TRIM36: variants seen among roughly 807,000 people sequenced by gnomAD.
TRIM36 encodes tripartite motif containing 36.
Under a neutral mutation model 72.4 loss-of-function variants are expected in TRIM36, and 42 were observed. The observed-to-expected ratio is 0.58, with a 90% CI of 0.45 to 0.75. TRIM36 has a LOEUF of 0.75. Among genes scored for constraint, TRIM36 ranks in the 30% least tolerant of loss-of-function variants. The probability of loss-of-function intolerance (pLI) is 0.00; values close to 1 mark genes in which losing one functional copy is unlikely to be tolerated. For missense variants in TRIM36, 913 were observed against 857.1 expected (o/e 1.07, Z -0.81); for synonymous variants, 315 against 282.8 (o/e 1.11, Z -1.14).
In TRIM36 at chr5:115,137,546, C is replaced by T. The variant is rs1335740829; in HGVS notation, c.902G>A (p.Arg301Lys). ...FEKLFEVLEE[R>K]KSSVLKAIDS... Reference sequence around the variant, plus strand: ...AATTGCTTTCAAAACAGATGATTTCCTCTCTTCCAGAACTTCAAAGAGCTT... The same window carrying T: ...AATTGCTTTCAAAACAGATGATTTCTTCTCTTCCAGAACTTCAAAGAGCTT... Residue 301 changes from arginine to lysine, a missense_variant, in exon 6 of 10, where the codon AGG (arginine) becomes AAG (lysine). Transcript: ENST00000513154. 2.5e-6 allele frequency: 4 copies of T among 1,614,046 alleles called. No individual in the cohort carries two copies. The highest frequency in any genetic ancestry group is 1.7e-5 in the Admixed American group (1 of 60,014).
At chr5:115,173,782 C>T (rs770472578), upstream of TRIM36, among the ~76,000 whole-genome samples, 5 of 152,156 alleles carry the variant, frequency 3.3e-5, no homozygotes, top group Non-Finnish European at 5.9e-5. Flanking sequence ...TATCCTAGCA[C>T]CTCCTTTTTC....
At chr5:115,154,184 G>A (rs898943749) in intron 2 of TRIM36, among the ~76,000 whole-genome samples, 3 of 141,428 alleles carry the variant, frequency 2.1e-5, no homozygotes, top group South Asian at 2.6e-4. Flanking sequence ...CACAGCAAAG[G>A]CAGTGCTAAG....
At chr5:115,149,648 A>AAAG (rs1465481029) in intron 2 of TRIM36, 4 of 150,428 alleles carry the variant, frequency 2.7e-5, no homozygotes, top group African/African-American at 9.7e-5. Context: ...AGTGTAAAAA[A>AAAG]AAAAAAAAAA....
intron 7 of TRIM36, among the ~76,000 whole-genome samples, chr5:115,135,087 T>C (rs1160129249): frequency 6.6e-6 from 1 of 152,240 alleles, no homozygotes; most frequent in Non-Finnish European, 1.5e-5. Context: ...TGTTTAGTTT[T>C]GGAAACAGGT....
At chr5:115,147,010 T>A (rs964201267) in intron 3 of TRIM36, 59 bp downstream of exon 3, 10 of 1,424,134 alleles carry the variant, frequency 7.0e-6, no homozygotes, top group Non-Finnish European at 9.5e-6. Context: ...ATTAAGTACA[T>A]AAAAGTTTCA....
chr5:115,130,496 A>C (rs1408880191), intron 9 of TRIM36, 96 bp downstream of exon 9: 2 of 1,386,282 alleles, frequency 1.4e-6, no homozygotes, highest in Admixed American at 2.4e-5. Context: ...GAATCTAAGA[A>C]ATAAGAAATG....
chr5:115,154,367 GA>G (rs939300088), intron 2 of TRIM36, among the ~76,000 whole-genome samples: 8 of 141,804 alleles, frequency 5.6e-5, no homozygotes, highest in East Asian at 4.1e-4. Context: ...TGAAACAAAT[GA>G]AAAAAAAAAC....
intron 6 of TRIM36, 70 bp from the exon 7 acceptor site, chr5:115,137,194 A>G: frequency 6.7e-7 from 1 of 1,497,658 alleles, no homozygotes; most frequent in Non-Finnish European, 8.9e-7. Flanking sequence ...CTGCAACATG[A>G]TTAACAAAAT....
intron 9 of TRIM36, among the ~76,000 whole-genome samples, chr5:115,127,419 G>C (rs1215663759): frequency 6.6e-6 from 1 of 152,196 alleles, no homozygotes; most frequent in African/African-American, 2.4e-5. Context: ...AAATTAGCCA[G>C]GCATGGTGGT....
At chr5:115,151,501 AC>A (rs1176990378) in intron 2 of TRIM36, among the ~76,000 whole-genome samples, 1 of 152,168 alleles carries the variant, frequency 6.6e-6, no homozygotes, top group Non-Finnish European at 1.5e-5. Flanking sequence ...GGCCCTGCCC[AC>A]TGCCTGTTCC....
chr5:115,148,140 C>A (rs1273920751), intron 2 of TRIM36, among the ~76,000 whole-genome samples: 1 of 152,108 alleles, frequency 6.6e-6, no homozygotes, highest in Non-Finnish European at 1.5e-5. Flanking sequence ...GAGGGACCAA[C>A]CATTTAATAA....
At chr5:115,173,611 GTAAAGTA>G (rs985823771), upstream of TRIM36, among the ~76,000 whole-genome samples, 3 of 152,190 alleles carry the variant, frequency 2.0e-5, no homozygotes, top group Admixed American at 1.3e-4. Flanking sequence ...AATAAGTCTG[GTAAAGTA>G]TGGAAGGCCT....
chr5:115,159,368 C>T (rs1396857059), intron 2 of TRIM36, among the ~76,000 whole-genome samples: 1 of 152,132 alleles, frequency 6.6e-6, no homozygotes, highest in Non-Finnish European at 1.5e-5. Flanking sequence ...ATACAAAAAA[C>T]AAAAGCGGTA....
In TRIM36 at chr5:115,137,365, G is replaced by A; in HGVS notation, c.1083C>T (p.Leu361=). 4 of 1,604,326 alleles carry A rather than the reference G, an allele frequency of 2.5e-6. No individual in the cohort carries two copies. The highest frequency in any genetic ancestry group is 1.1e-5 in the South Asian group (1 of 88,712). The change falls in exon 6 of 10, where the codon CTC becomes CTT. Residue 361 remains leucine (L), a splice_region_variant and synonymous_variant. Coordinates refer to ENST00000513154, the MANE Select transcript of TRIM36 (RefSeq NM_001300759.2). ...CFVQTAKQLH[L]RIQKATESLK... ...AAGTTAGAAGTAAAAGAGAATACCT[G>A]AGGTGGAGCTGCTTTGCTGTCTGCA...
intron 4 of TRIM36, among the ~76,000 whole-genome samples, chr5:115,143,312 ATAAAATTAGCCCT>A (rs1753388149): frequency 2.0e-5 from 3 of 151,308 alleles, no homozygotes; most frequent in Admixed American, 2.0e-4. Context: ...CAATAGTCAG[ATAAAATTAGCCCT>A]TAAAATTAAA....
chr5:115,158,945 G>A (rs151305071), intron 2 of TRIM36, among the ~76,000 whole-genome samples: 1 of 152,292 alleles, frequency 6.6e-6, no homozygotes, highest in African/African-American at 2.4e-5. Flanking sequence ...TAAATTTCAG[G>A]TGTTAAGTAT....
Position 115,126,246 on chromosome 5 carries a change from T to A in TRIM36, c.*257A>T, listed in dbSNP as rs968972979. On this transcript the variant is annotated 3_prime_UTR_variant, in exon 10 of 10. Transcript: ENST00000513154. ...TAAATTAGATATCCTGTACATAAAG[T>A]AAAAGACAGTCCAGTTGCAAAGTTA... The A allele has an allele frequency of 4.8e-6, 2 of 420,652 alleles. No homozygotes were observed. The highest frequency in any genetic ancestry group is 8.5e-6 in the Non-Finnish European group (2 of 236,418). 26.1% of individuals were successfully genotyped at this position (420,652 alleles called of 1,614,324 possible). A position where few individuals can be genotyped will look rare whatever the true frequency, so the allele number is the denominator to read the frequency against.
chr5:115,173,170 C>A (rs756999605), upstream of TRIM36, among the ~76,000 whole-genome samples: 5 of 152,174 alleles, frequency 3.3e-5, no homozygotes, highest in African/African-American at 4.8e-5. Flanking sequence ...GATACCAAGA[C>A]CCTTCCCAGT....
In TRIM36 at chr5:115,169,863, G is replaced by A. The variant is rs972736958; in HGVS notation, c.-229C>T. 4.6e-6 allele frequency: 6 copies of A among 1,308,436 alleles called. No individual in the cohort carries two copies. The African/African-American group carries it at 6.2e-5, about 13-fold the overall frequency. The allele number at this position is 1,308,436 out of a possible 1,614,324, so 81.1% of individuals were successfully genotyped here. A position where few individuals can be genotyped will look rare whatever the true frequency, so the allele number is the denominator to read the frequency against. On this transcript the variant is annotated 5_prime_UTR_variant, in exon 1 of 10. Coordinates refer to ENST00000513154, the MANE Select transcript of TRIM36 (RefSeq NM_001300759.2). ...GCTTTGCTCCCAGCGACTACCCCGG[G>A]AATCCCGCCCAGCTGCCGGCTGCAG... is the stretch of plus-strand genomic sequence containing the variant.
Sources: gnomAD v4.1 joint callset for allele counts (sites outside exome capture counted in the v4.1 genomes callset) on GRCh38, gnomAD v4.1.1 for gene constraint, MANE v1.5 for transcripts, NCBI Gene and HGNC (gene_info 2026-07-23, HGNC 2026-07-21) for gene names.